SCML4: variants seen among roughly 807,000 people sequenced by gnomAD.
SCML4 encodes sex comb on midleg-like protein 4.
A neutral mutation model predicts 41.1 loss-of-function variants in SCML4; 34 were observed. The observed-to-expected ratio is 0.83, with a 90% CI of 0.63 to 1.10. The LOEUF (loss-of-function observed/expected upper bound fraction) is 1.10. SCML4 is among the 50% of genes least tolerant of loss of function. The probability of loss-of-function intolerance (pLI) is 0.00; values close to 1 mark genes in which losing one functional copy is unlikely to be tolerated. For synonymous variants in SCML4, 214 were observed against 220.9 expected, an observed-to-expected ratio of 0.97 and a Z score of 0.28; for missense variants, 522 against 534.1, an observed-to-expected ratio of 0.98 and a Z score of 0.22.
chr6:107,786,609 C>T (rs1383031390), intron 1 of SCML4, among the ~76,000 whole-genome samples: 2 of 152,116 alleles, frequency 1.3e-5, no homozygotes, highest in Non-Finnish European at 2.9e-5. Flanking sequence ...TCCATCTATC[C>T]CCACCTGGTT....
chr6:107,819,866 G>C (rs1004710641), intron 1 of SCML4, among the ~76,000 whole-genome samples: 1 of 152,208 alleles, frequency 6.6e-6, no homozygotes, highest in Non-Finnish European at 1.5e-5. Context: ...CATTACTTCA[G>C]AGTGTCAAAT....
intron 6 of SCML4, among the ~76,000 whole-genome samples, chr6:107,717,936 G>A (rs139588191): frequency 0.017 from 2,514 of 152,338 alleles, 85 homozygotes; most frequent in African/African-American, 0.058. Flanking sequence ...GCAGGCACAG[G>A]TGGACTCCGT....
At position 107,797,024 on chromosome 6, in the gene SCML4, G is replaced by A. The variant is rs367659229; in HGVS notation, c.-59-24638C>T. On this transcript the variant is annotated intron_variant, in intron 1 of 7. Transcript: ENST00000369020. ...GAACGCTTGATTCTGTTTTATTGAT[G>A]TTTTTGTTTATACTTATGCCAATTC... is the stretch of plus-strand genomic sequence containing the variant. Among the ~76,000 whole-genome samples, 40 of 152,120 alleles carry A rather than the reference G, an allele frequency of 2.6e-4. 1 individual carries two copies. In the South Asian group the frequency reaches 3.5e-3, roughly 13 times the overall value.
chr6:107,844,665 AG>A, the SCML4 span, among the ~76,000 whole-genome samples: 3 of 151,842 alleles, frequency 2.0e-5, no homozygotes, highest in Non-Finnish European at 2.9e-5. Context: ...CCAGTGGGGA[AG>A]GGGTACAGCT....
chr6:107,807,108 T>G (rs1292878943), intron 1 of SCML4, among the ~76,000 whole-genome samples: 1 of 151,926 alleles, frequency 6.6e-6, no homozygotes, highest in Non-Finnish European at 1.5e-5. Context: ...GCAGGGGCCA[T>G]GTGTGCTAAC....
chr6:107,715,765 T>A (rs1362454509), intron 6 of SCML4, among the ~76,000 whole-genome samples: 1 of 151,284 alleles, frequency 6.6e-6, no homozygotes, highest in Non-Finnish European at 1.5e-5. Context: ...GGCTGAGGAG[T>A]TTGTCAAGTC....
intron 1 of SCML4, among the ~76,000 whole-genome samples, chr6:107,794,004 A>T (rs1782533143): frequency 6.6e-6 from 1 of 152,216 alleles, no homozygotes; most frequent in South Asian, 2.1e-4. Flanking sequence ...CCAGTATAGA[A>T]AAAGAAAAAT....
At chr6:107,769,152 A>C (rs190336671) in intron 2 of SCML4, among the ~76,000 whole-genome samples, 24 of 152,330 alleles carry the variant, frequency 1.6e-4, no homozygotes, top group Non-Finnish European at 1.3e-4. Context: ...TACGACGTTC[A>C]GAGGTTTTGC....
At chr6:107,816,242 T>C (rs1784546054) in intron 1 of SCML4, among the ~76,000 whole-genome samples, 1 of 152,192 alleles carries the variant, frequency 6.6e-6, no homozygotes, top group African/African-American at 2.4e-5. Context: ...AGATAAACCA[T>C]GTTTCATGCT....
At chr6:107,712,069 G>A (rs188510276) in intron 6 of SCML4, among the ~76,000 whole-genome samples, 8 of 152,080 alleles carry the variant, frequency 5.3e-5, no homozygotes, top group Admixed American at 1.3e-4. Flanking sequence ...GCACCCTGGA[G>A]CCATCTGAAT....
intron 6 of SCML4, chr6:107,719,065 T>C (rs1298162603): frequency 2.0e-5 from 3 of 152,234 alleles, no homozygotes; most frequent in African/African-American, 7.2e-5. Context: ...TTTACAGTGT[T>C]GGTTCGTGAA....
chr6:107,801,486 C>T (rs538799563), intron 1 of SCML4, among the ~76,000 whole-genome samples: 2 of 152,288 alleles, frequency 1.3e-5, no homozygotes, highest in East Asian at 3.9e-4. Flanking sequence ...CTACAATGAG[C>T]TCATTTCTCT....
intron 6 of SCML4, 95 bp from the exon 7 acceptor site, chr6:107,708,106 T>C (rs963679691): frequency 1.4e-6 from 2 of 1,396,244 alleles, no homozygotes; most frequent in Non-Finnish European, 1.9e-6. Flanking sequence ...GGAAGGGGGA[T>C]CCTCAGTGCC....
chr6:107,736,206 A>T lies in SCML4; in HGVS notation c.682+8743T>A, dbSNP rs192107827. ...GAAACCCAGGAGGAGAAGAGAATTG[A>T]TCTTCCTAGAGTGTAGTTTCCTCCT... On this transcript the variant is annotated intron_variant, in intron 5 of 7. Coordinates refer to ENST00000369020, the MANE Select transcript of SCML4 (RefSeq NM_198081.5). 1.4e-4 allele frequency among the ~76,000 whole-genome samples: 22 copies of T among 152,300 alleles called. 1 individual carries two copies. In the East Asian group the frequency reaches 2.9e-3, roughly 20 times the overall value.
At chr6:107,836,106 G>GT in the SCML4 span, among the ~76,000 whole-genome samples, 40 of 148,172 alleles carry the variant, frequency 2.7e-4, no homozygotes, top group Admixed American at 2.7e-4. Context: ...TTTTGCTCCT[G>GT]TTTTTTTTTT....
chr6:107,844,005 A>G, the SCML4 span, among the ~76,000 whole-genome samples: 37,690 of 152,132 alleles, frequency 0.25, 4,886 homozygotes, highest in African/African-American at 0.31. Context: ...TTTAAAGGCA[A>G]AGAGAAAAAT....
At chr6:107,839,347 A>AAGAAAGAGAGAG in the SCML4 span, among the ~76,000 whole-genome samples, 1 of 23,480 alleles carries the variant, frequency 4.3e-5, no homozygotes, top group East Asian at 2.2e-3. Context: ...GAGAAAAAGA[A>AAGAAAGAGAGAG]AGAAAGAAAG....
chr6:107,757,357 G>T lies in SCML4; in HGVS notation c.157-7544C>A, dbSNP rs555871938. Among the ~76,000 whole-genome samples the T allele has an allele frequency of 5.9e-5, 9 of 152,302 alleles. No homozygotes were observed. The South Asian group carries it at 1.9e-3, about 32-fold the overall frequency. ...TCAAGGATTTTTCTAGAAACATCTGGCTTTGGCAGTAACAGAAATGCCAAC... is the reference window on the plus strand; with the variant it reads ...TCAAGGATTTTTCTAGAAACATCTGTCTTTGGCAGTAACAGAAATGCCAAC... On this transcript the variant is annotated intron_variant, in intron 2 of 7. Transcript: ENST00000369020.
chr6:107,711,716 T>C (rs1774238732), intron 6 of SCML4, among the ~76,000 whole-genome samples: 1 of 152,160 alleles, frequency 6.6e-6, no homozygotes, highest in African/African-American at 2.4e-5. Flanking sequence ...ATTTTAAGGC[T>C]AGAAAAAAGA....
Sources: allele counts gnomAD v4.1 joint callset (sites outside exome capture counted in the v4.1 genomes callset), GRCh38; gene constraint gnomAD v4.1.1; transcripts MANE v1.5; gene names NCBI Gene and HGNC (gene_info 2026-07-23, HGNC 2026-07-21).